RDX: variants seen among roughly 807,000 people sequenced by gnomAD.
RDX encodes deafness, autosomal recessive 24.
A neutral mutation model predicts 83.7 loss-of-function variants in RDX; 32 were observed. The ratio of observed to expected loss-of-function variants is 0.38; its 90% CI spans 0.29 to 0.51. RDX has a LOEUF of 0.51. Ranked by LOEUF, RDX falls within the 20% of genes least tolerant of loss-of-function variation. The pLI is 0.87. For missense variants in RDX, 600 were observed against 689.9 expected, an observed-to-expected ratio of 0.87 and a Z score of 1.46; for synonymous variants, 229 against 222.7, an observed-to-expected ratio of 1.03 and a Z score of -0.25.
chr11:110,180,236 C>CA (rs1388319644), intron 15 of RDX, among the ~76,000 whole-genome samples: 3 of 152,110 alleles, frequency 2.0e-5, no homozygotes, highest in Non-Finnish European at 4.4e-5. Flanking sequence ...TATTGAGTTG[C>CA]AAAAGTGAAA....
chr11:110,253,821 T>C (rs1859433430), intron 9 of RDX, 125 bp downstream of exon 9: 1 of 840,926 alleles, frequency 1.2e-6, no homozygotes, highest in Non-Finnish European at 1.9e-6. Flanking sequence ...ATACTGTCTT[T>C]GAATTTTAAT....
At chr11:110,292,484 GA>G (rs1400709656) in intron 1 of RDX, among the ~76,000 whole-genome samples, 1 of 151,798 alleles carries the variant, frequency 6.6e-6, no homozygotes, top group Non-Finnish European at 1.5e-5. Flanking sequence ...AAAAAATGAA[GA>G]AAAAAATGAC....
chr11:110,260,615 G>A (rs1168073719), intron 5 of RDX, among the ~76,000 whole-genome samples: 2 of 152,044 alleles, frequency 1.3e-5, no homozygotes, highest in African/African-American at 2.4e-5. Flanking sequence ...CCATCTTCTA[G>A]TATAGAATTA....
chr11:110,275,860 C>G (rs1253835856), intron 2 of RDX, among the ~76,000 whole-genome samples: 4 of 148,356 alleles, frequency 2.7e-5, no homozygotes, highest in Non-Finnish European at 5.9e-5. Context: ...TCTCAGCTCA[C>G]TGCAACCTCT....
chr11:110,237,400 G>T, intron 11 of RDX, 92 bp downstream of exon 11: 1 of 1,250,816 alleles, frequency 8.0e-7, no homozygotes, highest in Non-Finnish European at 1.1e-6. Flanking sequence ...TCTCCAGAAA[G>T]CACAAAATGG....
intron 7 of RDX, 35 bp from the exon 8 acceptor site, chr11:110,255,420 AG>A (rs1485786122): frequency 1.8e-6 from 2 of 1,087,918 alleles, no homozygotes; most frequent in South Asian, 1.2e-5. Context: ...AATTAAAGGC[AG>A]GAAACAATGA....
chr11:110,263,035 G>C (rs1273091918), intron 5 of RDX, among the ~76,000 whole-genome samples: 1 of 152,190 alleles, frequency 6.6e-6, no homozygotes, highest in African/African-American at 2.4e-5. Flanking sequence ...AGCACTTTGG[G>C]AGACCGAGGT....
intron 10 of RDX, 111 bp downstream of exon 10, chr11:110,247,592 A>G (rs1392478475): frequency 9.1e-7 from 1 of 1,100,220 alleles, no homozygotes; most frequent in East Asian, 2.4e-5. Flanking sequence ...CCAATTAAAT[A>G]TACAATTGTC....
At chr11:110,183,749 C>T (rs1862932612) in intron 15 of RDX, among the ~76,000 whole-genome samples, 1 of 152,242 alleles carries the variant, frequency 6.6e-6, no homozygotes, top group African/African-American at 2.4e-5. Context: ...ATCAGGCCCA[C>T]TGAAGGGGCC....
At chr11:110,236,588 C>CTAACAGGTAGTATCAT (rs927826699) in intron 11 of RDX, 2 of 183,138 alleles carry the variant, frequency 1.1e-5, no homozygotes, top group African/African-American at 2.4e-5. Context: ...CCCAATAATC[C>CTAACAGGTAGTATCAT]TAACAGGTAG....
intron 15 of RDX, among the ~76,000 whole-genome samples, chr11:110,183,291 G>T (rs975162381): frequency 6.6e-6 from 1 of 152,168 alleles, no homozygotes; most frequent in Admixed American, 6.6e-5. Flanking sequence ...AGCTCTACTT[G>T]GCTTGCCATC....
Position 110,289,214 on chromosome 11 carries a change from G to A in RDX, c.-65+7253C>T, listed in dbSNP as rs552323931. On this transcript the variant is annotated intron_variant, in intron 1 of 13. Transcript: ENST00000645495. ...GATCGCGCCATTGCACTCCAGCCTC[G>A]GCAACAAGAGCAAAACTCTATCTCA... Among the ~76,000 whole-genome samples the A allele has an allele frequency of 7.0e-5, 10 of 143,398 alleles. No homozygotes were observed. In the South Asian group the frequency reaches 8.8e-4, roughly 13 times the overall value. The allele number at this position is 143,398 out of a possible 152,430, so 94.1% of individuals were successfully genotyped here. A position where few individuals can be genotyped will look rare whatever the true frequency, so the allele number is the denominator to read the frequency against.
intron 2 of RDX, among the ~76,000 whole-genome samples, chr11:110,277,279 A>G (rs1474010439): frequency 6.6e-6 from 1 of 152,078 alleles, no homozygotes; most frequent in Non-Finnish European, 1.5e-5. Flanking sequence ...CTCCACATCC[A>G]TATCTACACT....
At chr11:110,237,469 T>C in intron 11 of RDX, 23 bp downstream of exon 11, 1 of 1,610,210 alleles carries the variant, frequency 6.2e-7, no homozygotes, top group Non-Finnish European at 8.5e-7. Context: ...TAAACTTTTT[T>C]CTCTAAGAAG....
intron 1 of RDX, among the ~76,000 whole-genome samples, chr11:110,283,740 C>T (rs1483101763): frequency 6.6e-6 from 1 of 151,000 alleles, no homozygotes; most frequent in Non-Finnish European, 1.5e-5. Flanking sequence ...AAAAGACAGA[C>T]TTGAAAAAAA....
intron 3 of RDX, among the ~76,000 whole-genome samples, chr11:110,265,720 A>G (rs1007011941): frequency 2.0e-5 from 3 of 152,160 alleles, no homozygotes; most frequent in Admixed American, 2.0e-4. Flanking sequence ...TCCTCTGCCT[A>G]GAATGGGTCT....
chr11:110,288,842 G>A (rs563548615), intron 1 of RDX, among the ~76,000 whole-genome samples: 5 of 152,168 alleles, frequency 3.3e-5, no homozygotes, highest in Admixed American at 6.5e-5. Flanking sequence ...CTGTTGATTA[G>A]TGTCAAGGGC....
chr11:110,255,435 A>G (rs1288574224), intron 7 of RDX, 50 bp from the exon 8 acceptor site: 1 of 1,005,898 alleles, frequency 9.9e-7, no homozygotes, highest in Non-Finnish European at 1.6e-6. Context: ...ACAATGAATA[A>G]AATTCCTGTT....
In RDX at chr11:110,231,600, GAA is replaced by G; in HGVS notation, c.*267_*268del. Reference sequence around the variant, plus strand: ...TGATAATTAGTGTTAATCTTCAACAGAAAAAAAAAAGAAAAAGAAAAAAAATG... The same window carrying G: ...TGATAATTAGTGTTAATCTTCAACAGAAAAAAAAGAAAAAGAAAAAAAATG... On this transcript the variant is annotated 3_prime_UTR_variant, in exon 14 of 14. Transcript: ENST00000645495. The G allele has an allele frequency of 7.1e-6, 3 of 420,106 alleles. No individual in the cohort carries two copies. The highest frequency in any genetic ancestry group is 2.2e-5 in the African/African-American group (1 of 45,878). The allele number at this position is 420,106 out of a possible 1,614,324, so 26.0% of individuals were successfully genotyped here.
Sources: gnomAD v4.1 joint callset for allele counts (sites outside exome capture counted in the v4.1 genomes callset) on GRCh38, gnomAD v4.1.1 for gene constraint, MANE v1.5 for transcripts, NCBI Gene and HGNC (gene_info 2026-07-23, HGNC 2026-07-21) for gene names.